Variants in JARID2 observed in about 807,000 individuals in gnomAD.
JARID2 encodes the protein protein Jumonji.
Under a neutral mutation model 125.6 loss-of-function variants are expected in JARID2, and 21 were observed. The ratio of observed to expected loss-of-function variants is 0.17; its 90% CI spans 0.12 to 0.24. The LOEUF is 0.24. Among genes scored for constraint, JARID2 ranks in the 10% least tolerant of loss-of-function variants. The pLI, the probability that JARID2 is intolerant of heterozygous loss-of-function variation, is 1.00. For missense variants in JARID2, 1,303 were observed against 1,639.6 expected (o/e 0.79, Z 3.55); for synonymous variants, 736 against 661.6 (o/e 1.11, Z -1.73).
intron 1 of JARID2, among the ~76,000 whole-genome samples, chr6:15,365,332 A>G (rs1271533813): frequency 1.3e-5 from 2 of 152,184 alleles, no homozygotes; most frequent in African/African-American, 4.8e-5. Context: ...GAAAAAGCGA[A>G]CCGTCAGATC....
intron 2 of JARID2, among the ~76,000 whole-genome samples, chr6:15,403,822 A>C (rs752182086): frequency 2.0e-5 from 3 of 152,076 alleles, no homozygotes; most frequent in Non-Finnish European, 2.9e-5. Flanking sequence ...GCAGGGGTTA[A>C]ATATAACAAA....
chr6:15,255,318 T>C (rs1759621981), intron 1 of JARID2, among the ~76,000 whole-genome samples: 1 of 152,128 alleles, frequency 6.6e-6, no homozygotes. Flanking sequence ...TTGGCCAGGA[T>C]GGTCTCTATC....
At chr6:15,405,469 T>A (rs1310979955) in intron 2 of JARID2, among the ~76,000 whole-genome samples, 1 of 152,266 alleles carries the variant, frequency 6.6e-6, no homozygotes, top group Non-Finnish European at 1.5e-5. Context: ...GTAACCAAGC[T>A]GCCTTTACTG....
chr6:15,424,542 G>T (rs771002112), intron 3 of JARID2, among the ~76,000 whole-genome samples: 5 of 152,200 alleles, frequency 3.3e-5, no homozygotes, highest in Non-Finnish European at 5.9e-5. Flanking sequence ...ATTTTGCAGA[G>T]TGGCTCTGTT....
At chr6:15,438,378 G>A (rs541101628) in intron 3 of JARID2, among the ~76,000 whole-genome samples, 4 of 152,314 alleles carry the variant, frequency 2.6e-5, no homozygotes, top group African/African-American at 9.6e-5. Context: ...ACATGATTCT[G>A]CATTTGCCCA....
rs761828289 is a variant in JARID2, at chr6:15,487,421, G to T, written c.785G>T (p.Arg262Leu). ...KHSDHRADSR[R>L]EQASANHPAA... ...AGCGATCACCGGGCTGACAGCCGCC[G>T]GGAGCAGGCTTCAGCTAACCACCCC... The change falls in exon 6 of 18, where the codon CGG (arginine) becomes CTG (leucine). Residue 262 changes from arginine to leucine, a missense_variant. Arg to Leu is a moderately radical substitution (Grantham distance 102, BLOSUM62 -2). Coordinates refer to ENST00000341776, the MANE Select transcript of JARID2 (RefSeq NM_004973.4). 1 of 1,614,110 alleles carries T rather than the reference G, an allele frequency of 6.2e-7. No individual in the cohort carries two copies. Among genetic ancestry groups the T allele is most frequent in the Non-Finnish European group, 8.5e-7 (1 of 1,180,038 alleles).
chr6:15,339,741 G>A (rs1315323732), intron 1 of JARID2, among the ~76,000 whole-genome samples: 2 of 152,038 alleles, frequency 1.3e-5, no homozygotes, highest in African/African-American at 4.8e-5. Flanking sequence ...CACCATGTTG[G>A]TCAGGCTGGT....
chr6:15,271,914 C>T (rs745476376), intron 1 of JARID2, among the ~76,000 whole-genome samples: 6 of 152,168 alleles, frequency 3.9e-5, no homozygotes, highest in African/African-American at 4.8e-5. Flanking sequence ...GCAGGAGAAT[C>T]GCCTGAAACT....
At chr6:15,291,044 G>A (rs1237153425) in intron 1 of JARID2, among the ~76,000 whole-genome samples, 6 of 152,078 alleles carry the variant, frequency 3.9e-5, no homozygotes. Context: ...GACCAGCCTG[G>A]ACAACATAGC....
At chr6:15,480,580 G>C (rs902896056) in intron 5 of JARID2, among the ~76,000 whole-genome samples, 1 of 152,190 alleles carries the variant, frequency 6.6e-6, no homozygotes, top group Non-Finnish European at 1.5e-5. Flanking sequence ...AGCTTTGTCA[G>C]CTTTCTCTAA....
At chr6:15,374,873 T>C (rs1764293913) in intron 2 of JARID2, among the ~76,000 whole-genome samples, 2 of 152,216 alleles carry the variant, frequency 1.3e-5, no homozygotes, top group African/African-American at 2.4e-5. Context: ...AGGACAAACA[T>C]TTGCTTGTAG....
chr6:15,310,132 G>A (rs1389266118), intron 1 of JARID2, among the ~76,000 whole-genome samples: 2 of 152,164 alleles, frequency 1.3e-5, no homozygotes, highest in Non-Finnish European at 2.9e-5. Flanking sequence ...TGGTGAAACA[G>A]ATGAATTCCA....
intron 1 of JARID2, among the ~76,000 whole-genome samples, chr6:15,275,598 T>C (rs1379219531): frequency 1.4e-5 from 2 of 138,524 alleles, no homozygotes; most frequent in Non-Finnish European, 3.0e-5. Context: ...TGAAATTACA[T>C]GAGTATCCCA....
intron 1 of JARID2, among the ~76,000 whole-genome samples, chr6:15,254,231 C>T (rs1421414497): frequency 1.3e-5 from 2 of 152,180 alleles, no homozygotes; most frequent in South Asian, 2.1e-4. Context: ...GGTTTGTGCT[C>T]TTCTAGTTTT....
intron 4 of JARID2, among the ~76,000 whole-genome samples, chr6:15,462,321 G>A (rs1768490791): frequency 6.6e-6 from 1 of 152,234 alleles, no homozygotes; most frequent in Admixed American, 6.5e-5. Context: ...GGCAGAGATT[G>A]GCACTGGACA....
At position 15,513,251 on chromosome 6, in the gene JARID2, G is replaced by A. The variant is rs2235258; in HGVS notation, c.3279G>A (p.Leu1093=). The A allele has an allele frequency of 0.74, 1,159,070 of 1,568,922 alleles. 434,832 individuals carry two copies. The highest frequency in any genetic ancestry group is 0.76 in the Non-Finnish European group (883,565 of 1,155,408). Residue 1093 remains leucine (L), a synonymous_variant, in exon 16 of 18, where the codon CTG becomes CTA. Coordinates refer to ENST00000341776, the MANE Select transcript of JARID2 (RefSeq NM_004973.4). The part of the protein sequence containing the change: ...ALLDELRDTE[L]RQRRQLFEAG... The stretch of plus-strand genomic sequence containing the variant: ...CCGTGTCTGGCAGGGATACAGAGCT[G>A]CGGCAGCGCAGGCAGCTGTTCGAGG...
At chr6:15,275,859 A>G (rs1451969814) in intron 1 of JARID2, among the ~76,000 whole-genome samples, 5 of 151,866 alleles carry the variant, frequency 3.3e-5, no homozygotes, top group South Asian at 2.1e-4. Flanking sequence ...GGGACAAGCA[A>G]TTTTCTGGTA....
chr6:15,503,051 T>C (rs1255848378), intron 8 of JARID2, among the ~76,000 whole-genome samples: 1 of 152,240 alleles, frequency 6.6e-6, no homozygotes, highest in Admixed American at 6.5e-5. Context: ...AATAAGAGGT[T>C]TGGATTTGTT....
chr6:15,434,872 C>G (rs973832715), intron 3 of JARID2, among the ~76,000 whole-genome samples: 2 of 152,184 alleles, frequency 1.3e-5, no homozygotes, highest in African/African-American at 4.8e-5. Flanking sequence ...CTTTCTACTT[C>G]TCAAGTAGGT....
Sources: allele counts gnomAD v4.1 joint callset (sites outside exome capture counted in the v4.1 genomes callset), GRCh38; gene constraint gnomAD v4.1.1; transcripts MANE v1.5; gene names NCBI Gene and HGNC (gene_info 2026-07-23, HGNC 2026-07-21).